The following IRF5 variants were observed in gnomAD, a reference collection of about 807,000 sequenced individuals.
The protein encoded by IRF5 is interferon regulatory factor 5.
Under a neutral mutation model 55.1 loss-of-function variants are expected in IRF5, and 24 were observed. That is an observed-to-expected ratio of 0.44 (90% CI 0.32 to 0.61). The LOEUF (loss-of-function observed/expected upper bound fraction) is 0.61, where lower values mean the gene tolerates loss of function less well. IRF5 is among the 20% of genes least tolerant of loss of function. The probability of loss-of-function intolerance (pLI) is 0.07; values close to 1 mark genes in which losing one functional copy is unlikely to be tolerated. For missense variants in IRF5, 499 were observed against 658.5 expected (o/e 0.76, Z 2.65); for synonymous variants, 258 against 260.2 (o/e 0.99, Z 0.08).
At position 128,948,779 on chromosome 7, in the gene IRF5, C is replaced by G; in HGVS notation, c.1506C>G (p.Gly502=). Residue 502 remains glycine (G), a synonymous_variant, in exon 9 of 9, where the codon GGC becomes GGG. Coordinates refer to ENST00000357234, the MANE Select transcript of IRF5 (RefSeq NM_001098629.3). The surrounding 1 kb of genome is among the most constrained non-coding windows in gnomAD (Gnocchi z 4.6). The part of the protein sequence containing the change: ...QAPPGAGLGV[G]QGPWPMHPAG... ...CTCCTGGAGCAGGCCTTGGTGTTGG[C>G]CAGGGGCCCTGGCCTATGCACCCAG... The G allele has an allele frequency of 1.2e-6, 2 of 1,609,222 alleles. No individual in the cohort carries two copies. The highest frequency in any genetic ancestry group is 1.7e-4 in the Middle Eastern group (1 of 6,042).
chr7:128,947,511 C>T lies in IRF5; in HGVS notation c.763C>T (p.Leu255=), dbSNP rs2128965284. 6.3e-7 allele frequency: 1 copy of T among 1,579,032 alleles called. No homozygotes were observed. The highest frequency in any genetic ancestry group is 8.6e-7 in the Non-Finnish European group (1 of 1,167,230). The change falls in exon 6 of 9, where the codon CTG becomes TTG. Residue 255 remains leucine, a synonymous_variant. Transcript: ENST00000357234. This position sits in a 1 kb window ranked among gnomAD's most constrained non-coding sequence, Gnocchi z 6.5. The part of the protein sequence containing the change: ...PAGEQLLPDL[L]ISPHMLPLTD... ...AGGCGAACAGCTCCTGCCAGACCTG[C>T]TGATCAGCCCCCACATGCTGCCTCG...
Position 128,946,915 on chromosome 7 carries a change from G to A in IRF5, c.448-108G>A. 1 of 1,360,452 alleles carries A rather than the reference G, an allele frequency of 7.4e-7. No homozygotes were observed. Among genetic ancestry groups the A allele is most frequent in the Non-Finnish European group, 1.0e-6 (1 of 953,976 alleles). The allele number at this position is 1,360,452 out of a possible 1,614,324, so 84.3% of individuals were successfully genotyped here. On this transcript the variant is annotated intron_variant, in intron 4 of 8. Transcript: ENST00000357234. The surrounding 1 kb of genome is among the most constrained non-coding windows in gnomAD (Gnocchi z 4.2). ...CCTGAGCTAAACTGAGGCTAGGGGAGTTGCCTCATAGTTCTCGCCTGTTAT... is the reference window on the plus strand; with the variant it reads ...CCTGAGCTAAACTGAGGCTAGGGGAATTGCCTCATAGTTCTCGCCTGTTAT...
In IRF5 at chr7:128,947,398, C is replaced by A. The variant is rs556267493; in HGVS notation, c.650C>A (p.Ala217Asp). The A allele has an allele frequency of 1.9e-6, 3 of 1,610,698 alleles. No individual in the cohort carries two copies. Among genetic ancestry groups the A allele is most frequent in the Non-Finnish European group, 2.5e-6 (3 of 1,178,964 alleles). Residue 217 changes from alanine to aspartate, a missense_variant, in exon 6 of 9, where the codon GCT (alanine) becomes GAT (aspartate). Ala to Asp is a moderately radical substitution (Grantham distance 126). This residue lies in a region of IRF5 where 305 missense variants were observed against 340.2 expected (regional missense o/e 0.90). Coordinates refer to ENST00000357234, the MANE Select transcript of IRF5 (RefSeq NM_001098629.3). The surrounding 1 kb of genome is among the most constrained non-coding windows in gnomAD (Gnocchi z 6.5). ...GPPAPDPSPL[A>D]PPPGNPAGFR... ...CCTGCTCCAGACCCCAGCCCCCTGG[C>A]TCCTCCCCCTGGCAACCCTGCTGGC...
At position 128,946,512 on chromosome 7, in the gene IRF5, C is replaced by G; in HGVS notation, c.397C>G (p.Pro133Ala). ...NGPAPTDSQP[P>A]EDYSFGAGEE... ...TCCCTGCTGTGCAGACTCCCAGCCC[C>G]CTGAGGATTACTCTTTTGGTGCAGG... Residue 133 changes from proline (P) to alanine (A), a missense_variant, in exon 4 of 9, where the codon CCT (proline) becomes GCT (alanine). Pro to Ala is a conservative substitution (Grantham distance 27). Transcript: ENST00000357234. This position sits in a 1 kb window ranked among gnomAD's most constrained non-coding sequence, Gnocchi z 4.2. 1 of 1,608,294 alleles carries G rather than the reference C, an allele frequency of 6.2e-7. No homozygotes were observed. The highest frequency in any genetic ancestry group is 2.2e-5 in the East Asian group (1 of 44,782).
Position 128,942,693 on chromosome 7 carries a change from C to T in IRF5, c.195+417C>T, listed in dbSNP as rs73461584. ...GTCCCCAGAAGGCCTTCCCATAACT[C>T]GTCCTACTCACCCTTTGCTCGTCTC... is the stretch of plus-strand genomic sequence containing the variant. On this transcript the variant is annotated intron_variant, in intron 2 of 8. Transcript: ENST00000357234. Among the ~76,000 whole-genome samples the T allele has an allele frequency of 1.7e-3, 257 of 152,248 alleles. 1 individual carries two copies. Among genetic ancestry groups the T allele is most frequent in the African/African-American group, 6.0e-3 (250 of 41,554 alleles).
chr7:128,942,651 C>T (rs1796093127), intron 2 of IRF5, among the ~76,000 whole-genome samples: 1 of 152,038 alleles, frequency 6.6e-6, no homozygotes, highest in African/African-American at 2.4e-5. Flanking sequence ...CACCCTAGAG[C>T]ATCGTGGGGA....
At chr7:128,942,373 C>A in intron 2 of IRF5, 97 bp downstream of exon 2, 1 of 1,084,222 alleles carries the variant, frequency 9.2e-7, no homozygotes, top group Non-Finnish European at 1.3e-6. Flanking sequence ...CGAGGCTGGC[C>A]ACCCGCCCAG....
In IRF5 at chr7:128,948,717, C is replaced by G. The variant is rs1796466380; in HGVS notation, c.1444C>G (p.Gln482Glu). The G allele has an allele frequency of 1.2e-6, 2 of 1,613,846 alleles. No homozygotes were observed. The highest frequency in any genetic ancestry group is 1.7e-6 in the Non-Finnish European group (2 of 1,180,042). ...ATTCAAGGAGCTCCATCACATCTGG[C>G]AGTCCCAGCAGCGGTTGCAGCCTGT... ...EQFKELHHIWQSQQRLQPVAQ... is the reference protein window; with the variant it reads ...EQFKELHHIWESQQRLQPVAQ... Residue 482 changes from glutamine (Q) to glutamate (E), a missense_variant, in exon 9 of 9, where the codon CAG becomes GAG. Physicochemically the swap from Gln to Glu is conservative, Grantham distance 29. Around this residue, in one of 2 missense-constraint regions of IRF5, gnomAD observed 194 missense variants for 318.3 expected, o/e 0.61. Transcript: ENST00000357234. The surrounding 1 kb of genome is among the most constrained non-coding windows in gnomAD (Gnocchi z 4.6).
In IRF5 at chr7:128,948,496, A is replaced by T; in HGVS notation, c.1300-77A>T. 1 of 1,576,796 alleles carries T rather than the reference A, an allele frequency of 6.3e-7. No homozygotes were observed. The highest frequency in any genetic ancestry group is 8.6e-7 in the Non-Finnish European group (1 of 1,158,934). ...GAATGCGGTCTATTACTCACCCCTGATGGCTGTCCTCATGCACAGCTGGAT... is the reference window on the plus strand; with the variant it reads ...GAATGCGGTCTATTACTCACCCCTGTTGGCTGTCCTCATGCACAGCTGGAT... On this transcript the variant is annotated intron_variant, in intron 8 of 8. Coordinates refer to ENST00000357234, the MANE Select transcript of IRF5 (RefSeq NM_001098629.3). The surrounding 1 kb of genome is among the most constrained non-coding windows in gnomAD (Gnocchi z 4.6).
chr7:128,938,483 C>T (rs1286061106), intron 1 of IRF5, among the ~76,000 whole-genome samples: 1 of 152,216 alleles, frequency 6.6e-6, no homozygotes, highest in East Asian at 1.9e-4. Flanking sequence ...GAGGCCCGAT[C>T]CTTACTTTCG....
intron 2 of IRF5, among the ~76,000 whole-genome samples, chr7:128,942,645 C>G (rs1796092805): frequency 6.6e-6 from 1 of 151,956 alleles, no homozygotes; most frequent in African/African-American, 2.4e-5. Flanking sequence ...AACCTGCACC[C>G]TAGAGCATCG....
At chr7:128,945,217 A>G (rs562286593) in intron 2 of IRF5, among the ~76,000 whole-genome samples, 4 of 152,226 alleles carry the variant, frequency 2.6e-5, no homozygotes, top group African/African-American at 9.6e-5. Flanking sequence ...AGCTCAAGCA[A>G]TCCTCTCACC....
At chr7:128,942,337 G>C (rs151166969) in intron 2 of IRF5, 61 bp downstream of exon 2, 22 of 1,439,604 alleles carry the variant, frequency 1.5e-5, no homozygotes, top group Non-Finnish European at 2.0e-5. Flanking sequence ...GAAGAGGAGC[G>C]CACATAACGC....
At chr7:128,945,540 T>G (rs1439766029) in intron 2 of IRF5, among the ~76,000 whole-genome samples, 1 of 152,166 alleles carries the variant, frequency 6.6e-6, no homozygotes, top group East Asian at 1.9e-4. Context: ...CCAGCCTGGC[T>G]CCAGGGTGCT....
Position 128,946,284 on chromosome 7 carries a change from G to A in IRF5, c.386-217G>A, listed in dbSNP as rs146623325. Among the ~76,000 whole-genome samples, 9 of 152,326 alleles carry A rather than the reference G, an allele frequency of 5.9e-5. No homozygotes were observed. Among genetic ancestry groups the A allele is most frequent in the African/African-American group, 1.4e-4 (6 of 41,580 alleles). ...GTGCTTCTTCCTTACCATTGCCCTC[G>A]TTTTGGCTTCTGGCTCCAGCCTAGG... On this transcript the variant is annotated intron_variant, in intron 3 of 8. Transcript: ENST00000357234. This position sits in a 1 kb window ranked among gnomAD's most constrained non-coding sequence, Gnocchi z 4.2.
intron 1 of IRF5, among the ~76,000 whole-genome samples, chr7:128,938,808 C>T (rs1795869601): frequency 6.6e-6 from 1 of 151,832 alleles, no homozygotes; most frequent in Admixed American, 6.6e-5. Flanking sequence ...GGCCGGGATG[C>T]GTGGGGAGAT....
At chr7:128,939,028 C>T (rs1383762815) in intron 1 of IRF5, among the ~76,000 whole-genome samples, 2 of 92,838 alleles carry the variant, frequency 2.2e-5, no homozygotes, top group African/African-American at 8.4e-5. Flanking sequence ...CCCAGCGGAG[C>T]ACGCGGGAGG....
rs772127201 is a variant in IRF5 at position 128,947,507 on chromosome 7, C to T, written c.759C>T (p.Asp253=). 38 of 1,584,794 alleles carry T rather than the reference C, an allele frequency of 2.4e-5. No homozygotes were observed. Among genetic ancestry groups the T allele is most frequent in the Non-Finnish European group, 3.0e-5 (35 of 1,169,452 alleles). ...CTGCAGGCGAACAGCTCCTGCCAGA[C>T]CTGCTGATCAGCCCCCACATGCTGC... ...LPPAGEQLLP[D]LLISPHMLPL... Residue 253 remains aspartate (D), a synonymous_variant, in exon 6 of 9, where the codon GAC becomes GAT. Transcript: ENST00000357234. The surrounding 1 kb of genome is among the most constrained non-coding windows in gnomAD (Gnocchi z 6.5).
In IRF5 at chr7:128,946,706, C is replaced by T. The variant is rs73461593; in HGVS notation, c.447+144C>T. Reference sequence around the variant, plus strand: ...TTGTTTCTTCTCCTGGGATTCTGAACGATAGGAGCACAGTCCCCACCTGCT... The same window carrying T: ...TTGTTTCTTCTCCTGGGATTCTGAATGATAGGAGCACAGTCCCCACCTGCT... On this transcript the variant is annotated intron_variant, in intron 4 of 8. Transcript: ENST00000357234. The surrounding 1 kb of genome is among the most constrained non-coding windows in gnomAD (Gnocchi z 4.2). 0.014 allele frequency: 9,508 copies of T among 667,916 alleles called. 91 individuals carry two copies. Among genetic ancestry groups the T allele is most frequent in the Non-Finnish European group, 0.017 (6,440 of 377,370 alleles). The allele number at this position is 667,916 out of a possible 1,614,324, so 41.4% of individuals were successfully genotyped here.
Sources: allele counts gnomAD v4.1 joint callset (sites outside exome capture counted in the v4.1 genomes callset), GRCh38; gene constraint gnomAD v4.1.1; regional missense constraint gnomAD v4.1.1; non-coding constraint Gnocchi (gnomAD v3.1); transcripts MANE v1.5; gene names NCBI Gene and HGNC (gene_info 2026-07-23, HGNC 2026-07-21).